LRTM3: variants seen among roughly 807,000 people sequenced by gnomAD.
The protein encoded by LRTM3 is leucine-rich repeat transmembrane protein 3.
the LRTM3 span, chr13:102,738,828 CT>C: frequency 1.9e-6 from 3 of 1,550,284 alleles, no homozygotes; most frequent in Non-Finnish European, 2.6e-6. Flanking sequence ...ATCTTTCCTC[CT>C]TTTTCTTTGA....
At chr13:102,754,664 T>C in the LRTM3 span, among the ~76,000 whole-genome samples, 76 of 152,276 alleles carry the variant, frequency 5.0e-4, no homozygotes, top group Non-Finnish European at 9.3e-4. Flanking sequence ...CAGCCATGCA[T>C]AGGGTTCCCA....
chr13:102,756,133 A>C, the LRTM3 span, among the ~76,000 whole-genome samples: 2 of 150,846 alleles, frequency 1.3e-5, no homozygotes, highest in African/African-American at 4.9e-5. Context: ...TTGTATTTTT[A>C]GTAGAGATGG....
the LRTM3 span, chr13:102,736,214 T>TG: frequency 6.5e-7 from 1 of 1,548,792 alleles, no homozygotes; most frequent in Non-Finnish European, 8.7e-7. Flanking sequence ...CATGAATGGA[T>TG]GAGTTTTTGT....
the LRTM3 span, chr13:102,747,467 A>T: frequency 1.9e-6 from 3 of 1,549,024 alleles, no homozygotes; most frequent in Non-Finnish European, 1.7e-6. Flanking sequence ...TGTTTCTGAT[A>T]ATTTTTTTTT....
At chr13:102,758,723 C>T in the LRTM3 span, 4 of 1,549,344 alleles carry the variant, frequency 2.6e-6, no homozygotes, top group South Asian at 3.6e-5. Flanking sequence ...CTGAACTACC[C>T]TTTTCAGGAA....
At chr13:102,759,006 C>T in the LRTM3 span, 2 of 822,004 alleles carry the variant, frequency 2.4e-6, no homozygotes, top group South Asian at 3.7e-5. Context: ...AAATATAAAA[C>T]CTCGGTATGC....
the LRTM3 span, chr13:102,733,809 A>G: frequency 6.4e-7 from 1 of 1,551,432 alleles, no homozygotes; most frequent in East Asian, 2.4e-5. Flanking sequence ...CTGATCATGA[A>G]GTTTGAGGTC....
chr13:102,749,885 TA>T, the LRTM3 span: 4 of 1,551,486 alleles, frequency 2.6e-6, no homozygotes, highest in Non-Finnish European at 3.5e-6. Flanking sequence ...TGAGCATTGA[TA>T]AGTAGTTCTG....
the LRTM3 span, chr13:102,749,031 T>G: frequency 6.4e-7 from 1 of 1,550,786 alleles, no homozygotes; most frequent in Non-Finnish European, 8.7e-7. Context: ...CTGGAATAAT[T>G]TTTAACATAA....
At chr13:102,747,245 G>T in the LRTM3 span, 2 of 1,550,070 alleles carry the variant, frequency 1.3e-6, no homozygotes, top group Non-Finnish European at 1.7e-6. Context: ...ATACATTCTA[G>T]TATTAGGCAA....
chr13:102,745,464 C>T, the LRTM3 span: 10 of 1,550,910 alleles, frequency 6.4e-6, no homozygotes, highest in Non-Finnish European at 8.7e-6. Context: ...TGATGCAGTT[C>T]TTTCATTTTG....
At chr13:102,755,799 A>C in the LRTM3 span, among the ~76,000 whole-genome samples, 1 of 151,420 alleles carries the variant, frequency 6.6e-6, no homozygotes, top group Non-Finnish European at 1.5e-5. Context: ...AAATTAAATG[A>C]AATAAAATTA....
chr13:102,739,172 T>G, the LRTM3 span: 1 of 1,549,948 alleles, frequency 6.5e-7, no homozygotes, highest in Non-Finnish European at 8.7e-7. Flanking sequence ...ACTTTCATCT[T>G]CCTGCGTCAT....
At chr13:102,741,385 TTC>T in the LRTM3 span, 2 of 1,549,688 alleles carry the variant, frequency 1.3e-6, no homozygotes, top group African/African-American at 2.7e-5. Flanking sequence ...GATTCACCTG[TTC>T]TTTCTGCTCT....
At chr13:102,737,804 G>T in the LRTM3 span, 1 of 1,550,756 alleles carries the variant, frequency 6.4e-7, no homozygotes, top group Non-Finnish European at 8.7e-7. Context: ...TAAAATACCA[G>T]GTCTGATTAT....
At chr13:102,739,815 C>A in the LRTM3 span, 1 of 1,549,352 alleles carries the variant, frequency 6.5e-7, no homozygotes, top group Non-Finnish European at 8.7e-7. Context: ...AGAATAGACT[C>A]ACATATTTTT....
chr13:102,745,977 G>A, the LRTM3 span: 8 of 1,551,194 alleles, frequency 5.2e-6, no homozygotes, highest in South Asian at 8.3e-5. Context: ...TATGCATTGA[G>A]TATTAAGCCA....
At chr13:102,744,648 G>A in the LRTM3 span, 281 of 1,550,596 alleles carry the variant, frequency 1.8e-4, no homozygotes, top group Admixed American at 3.1e-4. Flanking sequence ...GATTTGCAAG[G>A]GTCAGGATCT....
chr13:102,737,093 A>T, the LRTM3 span: 1 of 1,551,072 alleles, frequency 6.4e-7, no homozygotes, highest in Non-Finnish European at 8.7e-7. Context: ...GCTGCCAGGG[A>T]TATTGAGTGT....
Sources: allele counts gnomAD v4.1 joint callset (sites outside exome capture counted in the v4.1 genomes callset), GRCh38; gene constraint gnomAD v4.1.1; transcripts MANE v1.5; gene names NCBI Gene and HGNC (gene_info 2026-07-23, HGNC 2026-07-21).